Variants in LYPLA1 observed in about 807,000 individuals in gnomAD.
LYPLA1 encodes lysophospholipase 1, also known as acyl-protein thioesterase 1.
In LYPLA1, 17 loss-of-function variants were observed where a neutral mutation model predicts 34.0. The ratio of observed to expected loss-of-function variants is 0.50; its 90% CI spans 0.34 to 0.75. The LOEUF (loss-of-function observed/expected upper bound fraction) is 0.75, where lower values mean the gene tolerates loss of function less well. Ranked by LOEUF, LYPLA1 falls within the 30% of genes least tolerant of loss-of-function variation. LYPLA1 has a pLI of 0.01. For synonymous variants in LYPLA1, 98 were observed against 100.8 expected (o/e 0.97, Z 0.17); for missense variants, 203 against 288.8 (o/e 0.70, Z 2.15).
chr8:54,049,956 T>C (rs1805737423), intron 8 of LYPLA1, among the ~76,000 whole-genome samples: 1 of 152,154 alleles, frequency 6.6e-6, no homozygotes, highest in South Asian at 2.1e-4. Flanking sequence ...ATTACACATC[T>C]CCTTCCCACT....
intron 2 of LYPLA1, among the ~76,000 whole-genome samples, chr8:54,083,886 C>T (rs1419617336): frequency 6.6e-6 from 1 of 151,784 alleles, no homozygotes; most frequent in African/African-American, 2.4e-5. Context: ...GCCTGTAATC[C>T]CAGCACTTTG....
At position 54,078,886 on chromosome 8, in the gene LYPLA1, C is replaced by CT. The variant is rs749362463; in HGVS notation, c.102-13074_102-13073insA. 2.4e-3 allele frequency among the ~76,000 whole-genome samples: 356 copies of CT among 148,500 alleles called. 1 individual carries two copies. Among genetic ancestry groups the CT allele is most frequent in the African/African-American group, 7.6e-3 (299 of 39,336 alleles). ...CAAGTCTATGTTCAACAACCCCCCC[C>CT]CTTTTTTTTTGCTTTTTATGTTTAA... On this transcript the variant is annotated intron_variant, in intron 2 of 8. Coordinates refer to ENST00000316963, the MANE Select transcript of LYPLA1 (RefSeq NM_006330.4).
At chr8:54,085,739 C>T (rs1251108432) in intron 2 of LYPLA1, among the ~76,000 whole-genome samples, 22 of 149,398 alleles carry the variant, frequency 1.5e-4, no homozygotes, top group African/African-American at 4.4e-4. Flanking sequence ...CCCCTCCGCC[C>T]GGCCAGCCGC....
At chr8:54,084,124 G>GGAAAAAAAAAAAAAAAA (rs1554547911) in intron 2 of LYPLA1, among the ~76,000 whole-genome samples, 2 of 56,382 alleles carry the variant, frequency 3.5e-5, no homozygotes, top group African/African-American at 1.8e-4. Context: ...GGAGACCAAA[G>GGAAAAAAAAAAAAAAAA]AAAAAAAAAA....
chr8:54,080,838 T>C (rs1330649252), intron 2 of LYPLA1, among the ~76,000 whole-genome samples: 3 of 152,252 alleles, frequency 2.0e-5, no homozygotes, highest in African/African-American at 4.8e-5. Context: ...TCCGCCTGCC[T>C]TGGCCTCCCA....
At chr8:54,054,084 G>A (rs904511411) in intron 6 of LYPLA1, among the ~76,000 whole-genome samples, 1 of 152,148 alleles carries the variant, frequency 6.6e-6, no homozygotes, top group Non-Finnish European at 1.5e-5. Flanking sequence ...GGGTTCAAGT[G>A]ATTTTCCTGC....
intron 4 of LYPLA1, among the ~76,000 whole-genome samples, chr8:54,062,650 T>C (rs1806741157): frequency 6.6e-6 from 1 of 152,184 alleles, no homozygotes; most frequent in East Asian, 1.9e-4. Context: ...TAGCTGGTAC[T>C]ACAGGTGCAT....
chr8:54,084,165 A>ATATATATAT (rs1563642835), intron 2 of LYPLA1, among the ~76,000 whole-genome samples: 2 of 135,276 alleles, frequency 1.5e-5, no homozygotes, highest in Non-Finnish European at 3.1e-5. Context: ...TATATATATA[A>ATATATATAT]AATAAAGACC....
At chr8:54,073,145 G>A (rs1807618558) in intron 2 of LYPLA1, 1 of 733,456 alleles carries the variant, frequency 1.4e-6, no homozygotes, top group Admixed American at 1.8e-5. Context: ...CTGGCCTTCA[G>A]AGATGACAGC....
At chr8:54,087,278 T>C (rs1056903204) in intron 2 of LYPLA1, among the ~76,000 whole-genome samples, 1 of 152,236 alleles carries the variant, frequency 6.6e-6, no homozygotes, top group Non-Finnish European at 1.5e-5. Context: ...AACAATTCCA[T>C]TCGTCATAGT....
intron 5 of LYPLA1, among the ~76,000 whole-genome samples, chr8:54,057,198 G>A (rs1380068553): frequency 6.6e-6 from 1 of 152,092 alleles, no homozygotes; most frequent in Non-Finnish European, 1.5e-5. Context: ...CAGTTTGGAG[G>A]TTCCTCAAAT....
chr8:54,056,894 A>G (rs1806242976), intron 5 of LYPLA1, among the ~76,000 whole-genome samples: 1 of 152,124 alleles, frequency 6.6e-6, no homozygotes, highest in South Asian at 2.1e-4. Context: ...GCCTGGCGAA[A>G]GAGCAAGACT....
At position 54,052,728 on chromosome 8, in the gene LYPLA1, A is replaced by T; in HGVS notation, c.389T>A (p.Leu130His). 6.2e-7 allele frequency: 1 copy of T among 1,613,598 alleles called. No individual in the cohort carries two copies. Among genetic ancestry groups the T allele is most frequent in the Non-Finnish European group, 8.5e-7 (1 of 1,179,582 alleles). Residue 130 changes from leucine (L) to histidine (H), a missense_variant, in exon 7 of 9, where the codon CTT (leucine) becomes CAT (histidine). Leu to His is a moderately conservative substitution (Grantham distance 99, BLOSUM62 -3). This residue lies in a region of LYPLA1 where 123 missense variants were observed against 199.2 expected (regional missense o/e 0.62). Transcript: ENST00000316963. Reference sequence around the variant, plus strand: ...ACCTGCCAGTTTCTGCTGTGTGGTAAGGGCAGTATATAAAGATAAAGCTCC... The same window carrying T: ...ACCTGCCAGTTTCTGCTGTGTGGTATGGGCAGTATATAAAGATAAAGCTCC... ...QGGALSLYTALTTQQKLAGVT... is the reference protein window; with the variant it reads ...QGGALSLYTAHTTQQKLAGVT...
rs955935395 is a variant in LYPLA1 at position 54,092,186 on chromosome 8, G to GGGA, written c.101+8719_101+8721dup. 6.0e-5 allele frequency among the ~76,000 whole-genome samples: 9 copies of GGGA among 151,168 alleles called. No homozygotes were observed. In the East Asian group the frequency reaches 1.8e-3, roughly 29 times the overall value. On this transcript the variant is annotated intron_variant, in intron 2 of 8. Transcript: ENST00000316963. The stretch of plus-strand genomic sequence containing the variant: ...GGAGGAGAACCCTGTCGAAGTCAGG[G>GGGA]GGAGGAGGAGGAGGAGAAAGACGGA...
chr8:54,068,267 T>G (rs1054905831), intron 2 of LYPLA1, among the ~76,000 whole-genome samples: 3 of 152,046 alleles, frequency 2.0e-5, no homozygotes, highest in African/African-American at 7.2e-5. Context: ...GACTGGGAGA[T>G]ATAATATTTT....
rs562934004 is a variant in LYPLA1, at chr8:54,085,843, G to A, written c.101+15065C>T. ...CAGCCCCCGGCCGGCCAGCCGCCCC[G>A]TCCGCGAGGTGGGGGGGGCGCCTCT... On this transcript the variant is annotated intron_variant, in intron 2 of 8. Coordinates refer to ENST00000316963, the MANE Select transcript of LYPLA1 (RefSeq NM_006330.4). Among the ~76,000 whole-genome samples the A allele has an allele frequency of 2.6e-4, 36 of 136,098 alleles. No homozygotes were observed. In the East Asian group the frequency reaches 5.3e-3, roughly 20 times the overall value. 89.3% of individuals were successfully genotyped at this position (136,098 alleles called of 152,430 possible).
At chr8:54,052,872 A>G (rs1356885052) in intron 6 of LYPLA1, 116 bp from the exon 7 acceptor site, 2 of 655,976 alleles carry the variant, frequency 3.0e-6, no homozygotes, top group Non-Finnish European at 5.5e-6. Flanking sequence ...GCTGGTGTCA[A>G]ATCAAATCAG....
chr8:54,096,261 TAAA>T (rs1484558825), intron 2 of LYPLA1, among the ~76,000 whole-genome samples: 1 of 152,190 alleles, frequency 6.6e-6, no homozygotes, highest in Non-Finnish European at 1.5e-5. Flanking sequence ...AATGAAAAGT[TAAA>T]AAGTTTAAAA....
At chr8:54,089,507 T>TC (rs1809062279) in intron 2 of LYPLA1, among the ~76,000 whole-genome samples, 1 of 133,272 alleles carries the variant, frequency 7.5e-6, no homozygotes, top group Non-Finnish European at 1.5e-5. Context: ...GGGGGCGGGA[T>TC]CTTTGAACAT....
Sources: gnomAD v4.1 joint callset for allele counts (sites outside exome capture counted in the v4.1 genomes callset) on GRCh38, gnomAD v4.1.1 for gene constraint, gnomAD v4.1.1 regional missense constraint, MANE v1.5 for transcripts, NCBI Gene and HGNC (gene_info 2026-07-23, HGNC 2026-07-21) for gene names.